Variants in GALNT2 observed in about 807,000 individuals in gnomAD.
The protein encoded by GALNT2 is UDP-GalNAc:polypeptide N-acetylgalactosaminyltransferase 2.
A neutral mutation model predicts 81.4 loss-of-function variants in GALNT2; 31 were observed. The ratio of observed to expected loss-of-function variants is 0.38; its 90% CI spans 0.29 to 0.51. The LOEUF (loss-of-function observed/expected upper bound fraction) is 0.51. Among genes scored for constraint, GALNT2 ranks in the 20% least tolerant of loss-of-function variants. GALNT2 has a pLI of 0.87. For missense variants in GALNT2, 629 were observed against 765.7 expected, an observed-to-expected ratio of 0.82 and a Z score of 2.11; for synonymous variants, 303 against 287.4, an observed-to-expected ratio of 1.05 and a Z score of -0.55.
chr1:230,270,215 A>C (rs1485512326), intron 14 of GALNT2, among the ~76,000 whole-genome samples: 1 of 152,200 alleles, frequency 6.6e-6, no homozygotes, highest in Non-Finnish European at 1.5e-5. Flanking sequence ...AAATAAATAA[A>C]AATTTTTAAA....
intron 1 of GALNT2, among the ~76,000 whole-genome samples, chr1:230,118,482 T>C (rs1004528246): frequency 6.6e-6 from 1 of 152,246 alleles, no homozygotes; most frequent in African/African-American, 2.4e-5. Context: ...TAGTCACACA[T>C]AGCAGCCACA....
chr1:230,241,447 T>C (rs1247584819), intron 6 of GALNT2, among the ~76,000 whole-genome samples: 1 of 151,754 alleles, frequency 6.6e-6, no homozygotes, highest in Admixed American at 6.6e-5. Flanking sequence ...TTTTTTCGTT[T>C]GTTTGTTTGT....
At chr1:230,143,385 A>G (rs1187168116) in intron 1 of GALNT2, among the ~76,000 whole-genome samples, 1 of 152,244 alleles carries the variant, frequency 6.6e-6, no homozygotes, top group African/African-American at 2.4e-5. Flanking sequence ...AACTGGAGAC[A>G]TTCGAGAGCA....
At chr1:230,061,151 T>C (rs902702010) in intron 1 of GALNT2, among the ~76,000 whole-genome samples, 9 of 152,062 alleles carry the variant, frequency 5.9e-5, no homozygotes, top group Non-Finnish European at 1.3e-4. Context: ...CTAGGAAATA[T>C]GTATGTATAT....
At chr1:230,263,260 T>G in intron 13 of GALNT2, 1 of 470,798 alleles carries the variant, frequency 2.1e-6, no homozygotes, top group Non-Finnish European at 3.8e-6. Flanking sequence ...GGCCTCACCT[T>G]GTTTTTGGCT....
At chr1:230,234,834 C>G (rs186618890) in intron 3 of GALNT2, among the ~76,000 whole-genome samples, 1 of 152,188 alleles carries the variant, frequency 6.6e-6, no homozygotes, top group African/African-American at 2.4e-5. Context: ...CTGATGGGTT[C>G]TGCTGAGCCC....
chr1:230,170,461 A>G lies in GALNT2; in HGVS notation c.127-7757A>G, dbSNP rs184021189. ...GATTTTTATTAAGAAGCAAAAACTGATCTCTTTTATAAATGCATAGATACC... is the reference window on the plus strand; with the variant it reads ...GATTTTTATTAAGAAGCAAAAACTGGTCTCTTTTATAAATGCATAGATACC... On this transcript the variant is annotated intron_variant, in intron 1 of 15. Transcript: ENST00000366672. Among the ~76,000 whole-genome samples, 15 of 152,280 alleles carry G rather than the reference A, an allele frequency of 9.9e-5. No individual in the cohort carries two copies. The East Asian group carries it at 2.9e-3, about 29-fold the overall frequency.
At chr1:230,254,180 G>A (rs1665634769) in intron 10 of GALNT2, among the ~76,000 whole-genome samples, 1 of 152,140 alleles carries the variant, frequency 6.6e-6, no homozygotes, top group African/African-American at 2.4e-5. Context: ...CCCTGACTCA[G>A]ACTCCAGTCA....
At chr1:230,233,644 T>G (rs1664935268) in intron 3 of GALNT2, among the ~76,000 whole-genome samples, 1 of 152,172 alleles carries the variant, frequency 6.6e-6, no homozygotes, top group South Asian at 2.1e-4. Flanking sequence ...GAATAATTTT[T>G]TTTTAATGTA....
At position 230,279,373 on chromosome 1, in the gene GALNT2, C is replaced by A. The variant is rs763304846; in HGVS notation, c.1631C>A (p.Thr544Lys). Residue 544 changes from threonine (T) to lysine (K), a missense_variant, in exon 16 of 16, where the codon ACG becomes AAG. Thr to Lys is a moderately conservative substitution (Grantham distance 78, BLOSUM62 -1). Transcript: ENST00000366672. This position sits in a 1 kb window ranked among gnomAD's most constrained non-coding sequence, Gnocchi z 4.6. ...VGSNLCLDSR[T>K]AKSGGLSVEV... is the part of the protein sequence containing the mutation. Reference sequence around the variant, plus strand: ...AGCAACCTGTGCCTGGACAGTCGCACGGCCAAGAGCGGGGGCCTAAGCGTG... The same window carrying A: ...AGCAACCTGTGCCTGGACAGTCGCAAGGCCAAGAGCGGGGGCCTAAGCGTG... The A allele has an allele frequency of 1.2e-6, 2 of 1,614,152 alleles. No homozygotes were observed. Among genetic ancestry groups the A allele is most frequent in the South Asian group, 2.2e-5 (2 of 91,084 alleles).
intron 3 of GALNT2, among the ~76,000 whole-genome samples, chr1:230,216,614 G>C (rs1664397422): frequency 6.6e-6 from 1 of 152,152 alleles, no homozygotes; most frequent in Non-Finnish European, 1.5e-5. Flanking sequence ...GTTTAGTAGA[G>C]ATGGGGTGTT....
chr1:230,271,405 A>G lies in GALNT2; in HGVS notation c.1441-3040A>G, dbSNP rs1337338823. 2.6e-5 allele frequency among the ~76,000 whole-genome samples: 4 copies of G among 152,146 alleles called. No individual in the cohort carries two copies. The highest frequency in any genetic ancestry group is 5.9e-5 in the Non-Finnish European group (4 of 68,026). On this transcript the variant is annotated intron_variant, in intron 14 of 15. Coordinates refer to ENST00000366672, the MANE Select transcript of GALNT2 (RefSeq NM_004481.5). This position sits in a 1 kb window ranked among gnomAD's most constrained non-coding sequence, Gnocchi z 4.2. ...GTGGGCTTTTCCCCCCACACCAAGC[A>G]ATTCTCCAATTCTCCAATTCTCTGC... is the stretch of plus-strand genomic sequence containing the variant.
At chr1:230,175,176 G>A (rs950296317) in intron 1 of GALNT2, among the ~76,000 whole-genome samples, 4 of 152,214 alleles carry the variant, frequency 2.6e-5, no homozygotes, top group African/African-American at 9.6e-5. Context: ...ATCAGCCAGT[G>A]AACCTAGTCA....
intron 1 of GALNT2, among the ~76,000 whole-genome samples, chr1:230,086,398 G>T (rs1004943178): frequency 6.6e-6 from 1 of 152,178 alleles, no homozygotes; most frequent in Non-Finnish European, 1.5e-5. Context: ...CAAGGAGGGA[G>T]TTGGAGTGAG....
At chr1:230,239,675 C>G (rs1416440168) in intron 6 of GALNT2, among the ~76,000 whole-genome samples, 1 of 152,204 alleles carries the variant, frequency 6.6e-6, no homozygotes, top group Non-Finnish European at 1.5e-5. Flanking sequence ...ATTGGTGTGA[C>G]TAGGTTTGGG....
intron 1 of GALNT2, among the ~76,000 whole-genome samples, chr1:230,156,827 A>G (rs534740043): frequency 1.3e-5 from 2 of 152,188 alleles, no homozygotes; most frequent in Non-Finnish European, 2.9e-5. Flanking sequence ...TGAAGATGAA[A>G]TGTTGGGGAG....
intron 1 of GALNT2, among the ~76,000 whole-genome samples, chr1:230,075,368 A>C (rs935159517): frequency 6.6e-6 from 1 of 151,634 alleles, no homozygotes; most frequent in African/African-American, 2.4e-5. Flanking sequence ...TGATCCACCC[A>C]CCTCGGCCTC....
At chr1:230,198,318 G>GA (rs1663771372) in intron 2 of GALNT2, among the ~76,000 whole-genome samples, 1 of 152,122 alleles carries the variant, frequency 6.6e-6, no homozygotes, top group Admixed American at 6.5e-5. Context: ...GCGCGGGCAG[G>GA]ACAGCAGCCC....
In GALNT2 at chr1:230,203,272, C is replaced by T. The variant is rs773341119; in HGVS notation, c.356C>T (p.Pro119Leu). The T allele has an allele frequency of 1.2e-5, 19 of 1,614,114 alleles. No homozygotes were observed. The highest frequency in any genetic ancestry group is 1.6e-5 in the Non-Finnish European group (19 of 1,179,976). Residue 119 changes from proline (P) to leucine (L), a missense_variant, in exon 3 of 16, where the codon CCT (proline) becomes CTT (leucine). Coordinates refer to ENST00000366672, the MANE Select transcript of GALNT2 (RefSeq NM_004481.5). ...SDKLRMDRAI[P>L]DTRHDQCQRK... ...AAGCTTCGAATGGACAGAGCCATCC[C>T]TGACACCCGGCATGACCAGTAAGTA...
Sources: allele counts gnomAD v4.1 joint callset (sites outside exome capture counted in the v4.1 genomes callset), GRCh38; gene constraint gnomAD v4.1.1; non-coding constraint Gnocchi (gnomAD v3.1); transcripts MANE v1.5; gene names NCBI Gene and HGNC (gene_info 2026-07-23, HGNC 2026-07-21).